The following ABLIM2 variants were observed in gnomAD, a reference collection of about 807,000 sequenced individuals.
The protein encoded by ABLIM2 is actin-binding LIM protein 2.
In ABLIM2, 53 loss-of-function variants were observed where a neutral mutation model predicts 97.7. That is an observed-to-expected ratio of 0.54 (90% CI 0.44 to 0.68). The LOEUF (loss-of-function observed/expected upper bound fraction) is 0.68, where lower values mean the gene tolerates loss of function less well. Among genes scored for constraint, ABLIM2 ranks in the 30% least tolerant of loss-of-function variants. The probability of loss-of-function intolerance (pLI) is 0.00; values close to 1 mark genes in which losing one functional copy is unlikely to be tolerated. For missense variants in ABLIM2, 835 were observed against 867.2 expected, an observed-to-expected ratio of 0.96 and a Z score of 0.47; for synonymous variants, 361 against 345.8, an observed-to-expected ratio of 1.04 and a Z score of -0.49.
intron 1 of ABLIM2, among the ~76,000 whole-genome samples, chr4:8,131,668 CATCCCT>C: frequency 1.6e-5 from 2 of 123,580 alleles, no homozygotes; most frequent in Non-Finnish European, 3.5e-5. Flanking sequence ...CAGCATCCCG[CATCCCT>C]GAGCACAGCA....
intron 1 of ABLIM2, among the ~76,000 whole-genome samples, chr4:8,157,719 C>T (rs555456279): frequency 6.6e-6 from 1 of 152,282 alleles, no homozygotes; most frequent in African/African-American, 2.4e-5. Context: ...TACTGCAGTC[C>T]CTGGCGCGAC....
chr4:8,086,479 C>T (rs1283735625), intron 4 of ABLIM2, among the ~76,000 whole-genome samples: 1 of 151,884 alleles, frequency 6.6e-6, no homozygotes, highest in East Asian at 1.9e-4. Flanking sequence ...TCCTGAGTAG[C>T]TGGGACTACA....
At chr4:7,994,673 C>T (rs1335175756) in intron 16 of ABLIM2, among the ~76,000 whole-genome samples, 1 of 104,912 alleles carries the variant, frequency 9.5e-6, no homozygotes, top group African/African-American at 2.9e-5. Flanking sequence ...GGAATCGCCA[C>T]ACTGACTTCC....
chr4:8,116,268 A>C (rs141968744), intron 1 of ABLIM2, among the ~76,000 whole-genome samples: 10 of 152,364 alleles, frequency 6.6e-5, no homozygotes, highest in African/African-American at 2.2e-4. Flanking sequence ...AGACATCAAA[A>C]GACCTCTTTG....
At position 7,970,972 on chromosome 4, in the gene ABLIM2, G is replaced by A. The variant is rs190403057; in HGVS notation, c.1825-3869C>T. ...TCCAGTCCTGTTTTCTGTCTGCAGC[G>A]TGAGAGAACTTGGTTGCCTGGGTAT... On this transcript the variant is annotated intron_variant, in intron 20 of 20. Transcript: ENST00000447017. The surrounding 1 kb of genome is among the most constrained non-coding windows in gnomAD (Gnocchi z 5.3). Among the ~76,000 whole-genome samples, 469 of 152,180 alleles carry A rather than the reference G, an allele frequency of 3.1e-3. 1 individual carries two copies. The highest frequency in any genetic ancestry group is 0.01 in the African/African-American group (431 of 41,524).
intron 1 of ABLIM2, among the ~76,000 whole-genome samples, chr4:8,107,915 A>G (rs530923927): frequency 1.3e-5 from 2 of 152,310 alleles, no homozygotes; most frequent in African/African-American, 2.4e-5. Context: ...GAGATGACAC[A>G]TTGCTGGCTT....
chr4:8,096,980 C>A, intron 3 of ABLIM2, 119 bp downstream of exon 3: 2 of 1,277,586 alleles, frequency 1.6e-6, no homozygotes, highest in Non-Finnish European at 2.1e-6. Flanking sequence ...AACAGCCTCG[C>A]TGCAGGATGC....
Position 8,054,064 on chromosome 4 carries a change from C to A in ABLIM2, c.822+124G>T. ...CCCCACCTCCTAAGCCTGGCTGCCCCCATCCTGCAGCCCGTGGGACTGGAC... is the reference window on the plus strand; with the variant it reads ...CCCCACCTCCTAAGCCTGGCTGCCCACATCCTGCAGCCCGTGGGACTGGAC... On this transcript the variant is annotated intron_variant, in intron 8 of 20. Transcript: ENST00000447017. The surrounding 1 kb of genome is among the most constrained non-coding windows in gnomAD (Gnocchi z 4.9). 2 of 1,102,514 alleles carry A rather than the reference C, an allele frequency of 1.8e-6. No homozygotes were observed. Among genetic ancestry groups the A allele is most frequent in the South Asian group, 1.3e-5 (1 of 74,742 alleles). 68.3% of individuals were successfully genotyped at this position (1,102,514 alleles called of 1,614,324 possible).
At chr4:8,103,390 A>T (rs1033598289) in intron 2 of ABLIM2, among the ~76,000 whole-genome samples, 19 of 152,270 alleles carry the variant, frequency 1.2e-4, no homozygotes, top group African/African-American at 3.1e-4. Context: ...ACTCCATGCC[A>T]TTCTCCAGCA....
At chr4:8,134,526 A>G (rs965385461) in intron 1 of ABLIM2, among the ~76,000 whole-genome samples, 9 of 152,238 alleles carry the variant, frequency 5.9e-5, no homozygotes, top group African/African-American at 2.2e-4. Context: ...TGCCTGCAAA[A>G]TGCAGACCAC....
At chr4:8,010,805 C>G (rs1377790683) in intron 14 of ABLIM2, 1 of 159,706 alleles carries the variant, frequency 6.3e-6, no homozygotes, top group East Asian at 1.9e-4. Context: ...TCTCCTGTTG[C>G]CCAGACAACA....
rs1281253533 is a variant in ABLIM2 at position 7,967,089 on chromosome 4, G to A, written c.1839C>T (p.Pro613=). Residue 613 remains proline (P), a synonymous_variant, in exon 21 of 21, where the codon CCC becomes CCT. Coordinates refer to ENST00000447017, the MANE Select transcript of ABLIM2 (RefSeq NM_001130083.2). ...DRTRLERHLS[P]EEFQEVFGMS... is the part of the protein sequence containing the mutation. ...TCCCAAACACTTCCTGGAACTCCTCGGGCGACAAGTGTCTCTTCAAACAAA... is the reference window on the plus strand; with the variant it reads ...TCCCAAACACTTCCTGGAACTCCTCAGGCGACAAGTGTCTCTTCAAACAAA... 8 of 1,613,408 alleles carry A rather than the reference G, an allele frequency of 5.0e-6. No individual in the cohort carries two copies. In the Admixed American group the frequency reaches 5.0e-5, roughly 10 times the overall value.
intron 20 of ABLIM2, among the ~76,000 whole-genome samples, chr4:7,979,588 T>C (rs1736386356): frequency 6.6e-6 from 1 of 152,260 alleles, no homozygotes; most frequent in African/African-American, 2.4e-5. Flanking sequence ...GATTAGTCTT[T>C]TTCCTTACCT....
Position 8,158,737 on chromosome 4 carries a change from A to G in ABLIM2, c.-48T>C, listed in dbSNP as rs879559016. The G allele has an allele frequency of 7.3e-5, 101 of 1,391,484 alleles. No individual in the cohort carries two copies. The highest frequency in any genetic ancestry group is 4.5e-4 in the Admixed American group (15 of 33,268). 86.2% of individuals were successfully genotyped at this position (1,391,484 alleles called of 1,614,324 possible). A position where few individuals can be genotyped will look rare whatever the true frequency, so the allele number is the denominator to read the frequency against. ...GGCGGCCCGGCGCTGCGACAGCCAG[A>G]CCCTCGGGCCCGCAGGTGCCGCGCC... On this transcript the variant is annotated 5_prime_UTR_variant, in exon 1 of 21. Coordinates refer to ENST00000447017, the MANE Select transcript of ABLIM2 (RefSeq NM_001130083.2).
intron 11 of ABLIM2, among the ~76,000 whole-genome samples, chr4:8,028,512 C>T (rs1049345129): frequency 6.6e-6 from 1 of 152,220 alleles, no homozygotes; most frequent in African/African-American, 2.4e-5. Context: ...TTCAATCACT[C>T]ATTTACTCGC....
At chr4:8,111,975 C>T (rs2152800800) in intron 1 of ABLIM2, among the ~76,000 whole-genome samples, 1 of 151,278 alleles carries the variant, frequency 6.6e-6, no homozygotes, top group South Asian at 2.1e-4. Context: ...ACAATTGCGG[C>T]AGGTTCATTT....
rs974823208 is a variant in ABLIM2, at chr4:8,019,020, G to A, written c.1423+598C>T. On this transcript the variant is annotated intron_variant, in intron 14 of 20. Coordinates refer to ENST00000447017, the MANE Select transcript of ABLIM2 (RefSeq NM_001130083.2). The surrounding 1 kb of genome is among the most constrained non-coding windows in gnomAD (Gnocchi z 4.3). ...AAGAGAGGGGAGACCATGTGGCCCC[G>A]ATTCCTGCTCCATGGCCCACGCAAG... is the stretch of plus-strand genomic sequence containing the variant. 2.0e-5 allele frequency among the ~76,000 whole-genome samples: 3 copies of A among 152,134 alleles called. No individual in the cohort carries two copies. Among genetic ancestry groups the A allele is most frequent in the South Asian group, 2.1e-4 (1 of 4,818 alleles).
At chr4:8,026,918 GTGTGTGT>G (rs1259809414) in intron 12 of ABLIM2, among the ~76,000 whole-genome samples, 1 of 145,798 alleles carries the variant, frequency 6.9e-6, no homozygotes, top group African/African-American at 2.7e-5. Context: ...TTACCTGAGT[GTGTGTGT>G]CTGCAGTGGC....
chr4:8,020,414 T>C, intron 12 of ABLIM2, 111 bp from the exon 13 acceptor site: 1 of 968,330 alleles, frequency 1.0e-6, no homozygotes, highest in Admixed American at 2.0e-5. Flanking sequence ...TCCTGTCTGG[T>C]GGAGCAGCCC....
Sources: gnomAD v4.1 joint callset for allele counts (sites outside exome capture counted in the v4.1 genomes callset) on GRCh38, gnomAD v4.1.1 for gene constraint, Gnocchi (gnomAD v3.1) non-coding constraint, MANE v1.5 for transcripts, NCBI Gene and HGNC (gene_info 2026-07-23, HGNC 2026-07-21) for gene names.